The following DSG2 variants were observed in gnomAD, a reference collection of about 807,000 sequenced individuals.
DSG2 encodes desmoglein 2.
Under a neutral mutation model 75.6 loss-of-function variants are expected in DSG2, and 45 were observed. The observed-to-expected ratio is 0.60, with a 90% confidence interval of 0.47 to 0.76. The LOEUF (loss-of-function observed/expected upper bound fraction) is 0.76, where lower values mean the gene tolerates loss of function less well. DSG2 is among the 30% of genes least tolerant of loss of function. DSG2 has a pLI of 0.00. For synonymous variants in DSG2, 429 were observed against 483.9 expected (o/e 0.89, Z 1.49); for missense variants, 1,267 against 1,357.4 (o/e 0.93, Z 1.05).
rs2073134624 is a variant in DSG2 at position 31,522,464 on chromosome 18, G to A, written c.690+215G>A. 5 of 491,234 alleles carry A rather than the reference G, an allele frequency of 1.0e-5. No individual in the cohort carries two copies. The South Asian group carries it at 1.3e-4, about 13-fold the overall frequency. 30.4% of individuals were successfully genotyped at this position (491,234 alleles called of 1,614,324 possible). A position where few individuals can be genotyped will look rare whatever the true frequency, so the allele number is the denominator to read the frequency against. The stretch of plus-strand genomic sequence containing the variant: ...TGGCCCAAATTGTAATGTGCTGTAT[G>A]CACGTTGAATGTGTAATATATGCAC... On this transcript the variant is annotated intron_variant, in intron 6 of 14. Coordinates refer to ENST00000261590, the MANE Select transcript of DSG2 (RefSeq NM_001943.5).
At chr18:31,503,376 G>C (rs2073023501) in intron 1 of DSG2, among the ~76,000 whole-genome samples, 1 of 152,144 alleles carries the variant, frequency 6.6e-6, no homozygotes, top group South Asian at 2.1e-4. Context: ...GATATGAAGA[G>C]AAATAGATTC....
rs374076594 is a variant in DSG2 at position 31,521,267 on chromosome 18, T to TTA, written c.523+24_523+25insTA. On this transcript the variant is annotated intron_variant, in intron 5 of 14. Transcript: ENST00000261590. ...ACGTAAGAGTCTTTTTTTTTTTTTT[T>TTA]AATAAATAAATACCTAAGATTACTT... is the stretch of plus-strand genomic sequence containing the variant. The TTA allele has an allele frequency of 1.7e-5, 26 of 1,534,832 alleles. No homozygotes were observed. The African/African-American group carries it at 2.4e-4, about 14-fold the overall frequency.
intron 1 of DSG2, among the ~76,000 whole-genome samples, chr18:31,508,954 G>A (rs571902633): frequency 4.6e-5 from 7 of 152,238 alleles, no homozygotes; most frequent in Non-Finnish European, 1.0e-4. Flanking sequence ...ACTCTAAGGC[G>A]GGACTCAGTA....
chr18:31,544,743 A>G (rs2073293363), intron 14 of DSG2, among the ~76,000 whole-genome samples: 1 of 152,212 alleles, frequency 6.6e-6, no homozygotes, highest in East Asian at 1.9e-4. Context: ...ACTTTACTAC[A>G]GATCTTACAG....
intron 8 of DSG2, among the ~76,000 whole-genome samples, chr18:31,527,152 C>G (rs1437210213): frequency 6.6e-6 from 1 of 152,076 alleles, no homozygotes; most frequent in South Asian, 2.1e-4. Flanking sequence ...TTTTACTATA[C>G]CTTTTCTATG....
Position 31,546,485 on chromosome 18 carries a change from G to T in DSG2, c.3099G>T (p.Leu1033=). ...LAPSSGVQPT[L]AMPNIAVGQN... ...CCAGCTCAGGTGTGCAGCCTACTCT[G>T]GCCATGCCTAATATAGCAGTAGGAC... The change falls in exon 15 of 15, where the codon CTG becomes CTT. Residue 1033 remains leucine, a synonymous_variant. Transcript: ENST00000261590. The T allele has an allele frequency of 6.2e-7, 1 of 1,614,140 alleles. No individual in the cohort carries two copies. Among genetic ancestry groups the T allele is most frequent in the Non-Finnish European group, 8.5e-7 (1 of 1,180,022 alleles).
chr18:31,504,564 C>G (rs1337977369), intron 1 of DSG2, among the ~76,000 whole-genome samples: 1 of 152,096 alleles, frequency 6.6e-6, no homozygotes, highest in Non-Finnish European at 1.5e-5. Context: ...GGGCAGACGG[C>G]AGAGGGGGGG....
intron 11 of DSG2, among the ~76,000 whole-genome samples, chr18:31,538,473 G>C (rs1444876426): frequency 6.6e-6 from 1 of 152,166 alleles, no homozygotes; most frequent in Non-Finnish European, 1.5e-5. Flanking sequence ...TGTATTCCCA[G>C]TGTATAGAAC....
intron 10 of DSG2, 117 bp downstream of exon 10, chr18:31,535,529 C>G (rs1234032850): frequency 7.7e-6 from 7 of 914,900 alleles, no homozygotes; most frequent in Non-Finnish European, 1.2e-5. Context: ...GGAGCAGTGG[C>G]TCATGCCTGT....
chr18:31,529,453 AAACT>A (rs2073181581), intron 8 of DSG2, among the ~76,000 whole-genome samples: 1 of 152,254 alleles, frequency 6.6e-6, no homozygotes, highest in African/African-American at 2.4e-5. Flanking sequence ...TGACTTAAAT[AAACT>A]AACAAGCTTT....
chr18:31,499,522 C>T (rs1471933523), intron 1 of DSG2, among the ~76,000 whole-genome samples: 1 of 152,168 alleles, frequency 6.6e-6, no homozygotes, highest in Non-Finnish European at 1.5e-5. Context: ...ATTTCATTTT[C>T]CCCGTGTCCT....
intron 2 of DSG2, 112 bp downstream of exon 2, chr18:31,518,386 C>G: frequency 1.1e-6 from 1 of 897,108 alleles, no homozygotes; most frequent in Non-Finnish European, 1.8e-6. Flanking sequence ...TTAGACCCAG[C>G]CATTCCCATT....
At chr18:31,530,482 A>T (rs1186851196) in intron 8 of DSG2, among the ~76,000 whole-genome samples, 1 of 152,122 alleles carries the variant, frequency 6.6e-6, no homozygotes, top group East Asian at 1.9e-4. Flanking sequence ...CAGTGGCATG[A>T]TCATGGCTCA....
rs921635958 is a variant in DSG2, at chr18:31,533,997, T to TC, written c.1281-1273_1281-1272insC. On this transcript the variant is annotated intron_variant, in intron 9 of 14. Coordinates refer to ENST00000261590, the MANE Select transcript of DSG2 (RefSeq NM_001943.5). ...ACATACATTTCTTTTTTTTCTTTTT[T>TC]TTTTTTTTTTTGAGACTGAGTCTTG... 2.7e-5 allele frequency among the ~76,000 whole-genome samples: 4 copies of TC among 148,638 alleles called. 1 individual carries two copies. The highest frequency in any genetic ancestry group is 9.9e-5 in the African/African-American group (4 of 40,294).
At chr18:31,523,137 C>G (rs2073139180) in intron 6 of DSG2, among the ~76,000 whole-genome samples, 1 of 152,174 alleles carries the variant, frequency 6.6e-6, no homozygotes. Context: ...CGTGGTGGCT[C>G]ATGCCTGTAA....
intron 6 of DSG2, chr18:31,522,748 A>C (rs2144318926): frequency 6.4e-6 from 1 of 155,658 alleles, no homozygotes; most frequent in South Asian, 1.9e-4. Flanking sequence ...GCAGTTCTCT[A>C]ATGAAACATT....
chr18:31,535,935 G>A (rs970262752), intron 10 of DSG2, among the ~76,000 whole-genome samples: 4 of 152,028 alleles, frequency 2.6e-5, no homozygotes, highest in African/African-American at 4.8e-5. Context: ...AAATTGAGGG[G>A]TAGATAAAAT....
At chr18:31,498,640 G>T (rs1237074688) in intron 1 of DSG2, among the ~76,000 whole-genome samples, 1 of 152,150 alleles carries the variant, frequency 6.6e-6, no homozygotes, top group Non-Finnish European at 1.5e-5. Context: ...GCTTTGTTGA[G>T]AGTCTCTGGG....
intron 8 of DSG2, among the ~76,000 whole-genome samples, chr18:31,525,353 G>A (rs2073157074): frequency 6.6e-6 from 1 of 150,798 alleles, no homozygotes; most frequent in African/African-American, 2.4e-5. Context: ...CCGCTTCTAC[G>A]AAAAAAAATA....
Sources: allele counts gnomAD v4.1 joint callset (sites outside exome capture counted in the v4.1 genomes callset), GRCh38; gene constraint gnomAD v4.1.1; transcripts MANE v1.5; gene names NCBI Gene and HGNC (gene_info 2026-07-23, HGNC 2026-07-21).